The following SEMA4G variants were observed in gnomAD, a reference collection of about 807,000 sequenced individuals.
The protein encoded by SEMA4G is semaphorin 4G.
A neutral mutation model predicts 81.2 loss-of-function variants in SEMA4G; 59 were observed. The ratio of observed to expected loss-of-function variants is 0.73; its 90% confidence interval spans 0.59 to 0.90. SEMA4G has a LOEUF of 0.90. SEMA4G is among the 40% of genes least tolerant of loss of function. The pLI, the probability that SEMA4G is intolerant of heterozygous loss-of-function variation, is 0.00. For synonymous variants in SEMA4G, 404 were observed against 433.9 expected, an observed-to-expected ratio of 0.93 and a Z score of 0.86; for missense variants, 952 against 1,102.3, an observed-to-expected ratio of 0.86 and a Z score of 1.93.
intron 3 of SEMA4G, 26 bp from the exon 5 acceptor site, chr10:100,977,606 A>G (rs1480887229): frequency 6.3e-7 from 1 of 1,596,922 alleles, no homozygotes; most frequent in Non-Finnish European, 8.6e-7. Context: ...CAGGGGGCTC[A>G]CAGCCCTCTC....
At chr10:100,971,360 G>C (rs1233088124), upstream of SEMA4G, among the ~76,000 whole-genome samples, 1 of 152,210 alleles carries the variant, frequency 6.6e-6, no homozygotes, top group Non-Finnish European at 1.5e-5. Flanking sequence ...CTTGCCTGAA[G>C]CTTCCTGCTG....
chr10:100,984,471 C>T (rs1165781151), exon 14 of SEMA4G: 2 of 1,529,220 alleles, frequency 1.3e-6, no homozygotes, highest in Non-Finnish European at 8.8e-7. Context: ...TCTGCCCAAA[C>T]CCTTTCTCTT....
intron 3 of SEMA4G, among the ~76,000 whole-genome samples, chr10:100,975,514 G>A (rs1351183742): frequency 2.0e-5 from 3 of 152,164 alleles, no homozygotes; most frequent in Non-Finnish European, 4.4e-5. Context: ...TTTCACCTGT[G>A]GTTTCCAAAG....
intron 8 of SEMA4G, among the ~76,000 whole-genome samples, chr10:100,979,644 G>C (rs1214351413): frequency 6.6e-6 from 1 of 152,154 alleles, no homozygotes; most frequent in Non-Finnish European, 1.5e-5. Context: ...GCCTCTCAAA[G>C]TGCTGGCAAA....
chr10:100,977,874 G>A (rs1471001412), intron 4 of SEMA4G, 144 bp downstream of exon 5: 31 of 684,548 alleles, frequency 4.5e-5, no homozygotes, highest in South Asian at 2.1e-4. Flanking sequence ...CTCCAGTGGC[G>A]GCGGGCTGCA....
chr10:100,973,056 A>C lies in SEMA4G; in HGVS notation c.124+20A>C, dbSNP rs41291460. The C allele has an allele frequency of 0.23, 372,162 of 1,613,810 alleles. 48,217 individuals are homozygous for C. Among genetic ancestry groups the C allele is most frequent in the East Asian group, 0.55 (24,701 of 44,848 alleles). ...ATGAAGGTTAGACCCTCAACCTCAAAAGGCAGCAGAAGCCAGGGCTGGGGG... is the reference window on the plus strand; with the variant it reads ...ATGAAGGTTAGACCCTCAACCTCAACAGGCAGCAGAAGCCAGGGCTGGGGG... On this transcript the variant is annotated intron_variant, in intron 1 of 13. Transcript: ENST00000370250. The surrounding 1 kb of genome is among the most constrained non-coding windows in gnomAD (Gnocchi z 5.5).
chr10:100,972,334 A>C (rs1335945236), upstream of SEMA4G, among the ~76,000 whole-genome samples: 1 of 151,928 alleles, frequency 6.6e-6, no homozygotes, highest in Non-Finnish European at 1.5e-5. Context: ...GGGTCTTGTA[A>C]GGAAGGTAAG....
At chr10:100,984,293 A>G in exon 14 of SEMA4G, 7 of 1,439,208 alleles carry the variant, frequency 4.9e-6, no homozygotes, top group East Asian at 2.5e-5. Context: ...GCCCAGCCAA[A>G]GCCCCCTCCT....
chr10:100,970,296 C>T (rs1194793094), upstream of SEMA4G, among the ~76,000 whole-genome samples: 1 of 151,964 alleles, frequency 6.6e-6, no homozygotes, highest in Non-Finnish European at 1.5e-5. Context: ...TATGCTCCGC[C>T]CCGCCCACTT....
upstream of SEMA4G, among the ~76,000 whole-genome samples, chr10:100,971,836 T>G (rs534500357): frequency 5.3e-4 from 80 of 152,286 alleles, no homozygotes; most frequent in African/African-American, 1.9e-3. Flanking sequence ...ACGTTGCTTA[T>G]GTCTCAACTG....
Position 100,973,030 on chromosome 10 carries a change from TATG to T in SEMA4G, c.120_122del (p.Tyr40_Glu41delinsTer), listed in dbSNP as rs1406530664. ...TGCCACCCCTCGGATGACCATACCC[TATG>T]AAGGTTAGACCCTCAACCTCAAAAG... On this transcript the variant is annotated stop_gained and inframe_deletion, in exon 1 of 14. Transcript: ENST00000370250. LOFTEE classifies it high-confidence loss of function. The surrounding 1 kb of genome is among the most constrained non-coding windows in gnomAD (Gnocchi z 5.5). The T allele has an allele frequency of 6.2e-7, 1 of 1,614,082 alleles. No homozygotes were observed.
intron 13 of SEMA4G, among the ~76,000 whole-genome samples, chr10:100,982,062 CA>C (rs34646595): frequency 3.1e-4 from 39 of 126,784 alleles, no homozygotes; most frequent in Non-Finnish European, 2.1e-4. Context: ...CATCTCATCT[CA>C]AAAAAAAAAA....
exon 7 of SEMA4G, chr10:100,979,008 G>A (rs1224011022): frequency 8.7e-6 from 14 of 1,613,900 alleles, no homozygotes; most frequent in African/African-American, 2.7e-5. Context: ...CGTGTGGCTC[G>A]TGTCTGCAAG....
At chr10:100,979,710 C>A in intron 8 of SEMA4G, 138 bp from the exon 10 acceptor site, 1 of 970,366 alleles carries the variant, frequency 1.0e-6, no homozygotes. Flanking sequence ...ATGCAGTGGT[C>A]CACTGACTCA....
downstream of SEMA4G, chr10:100,984,898 C>CA: frequency 6.8e-7 from 1 of 1,462,654 alleles, no homozygotes. Context: ...GTATGAGAGA[C>CA]AGAGCTCCAG....
chr10:100,979,267 C>A, exon 8 of SEMA4G: 1 of 1,614,150 alleles, frequency 6.2e-7, no homozygotes, highest in Non-Finnish European at 8.5e-7. Flanking sequence ...GCTGAGCACA[C>A]AGTGGTCAGT....
chr10:100,973,780 T>A lies in SEMA4G; in HGVS notation c.336+171T>A, dbSNP rs2133859260. ...TGGCAAGCCATGGGCACAGCATTTT[T>A]TTTTTTTTCTTTTTTTGAGGTCGGA... On this transcript the variant is annotated intron_variant, in intron 3 of 13. Coordinates refer to ENST00000370250, the Ensembl canonical transcript of SEMA4G. This position sits in a 1 kb window ranked among gnomAD's most constrained non-coding sequence, Gnocchi z 5.5. 6.6e-6 allele frequency among the ~76,000 whole-genome samples: 1 copy of A among 152,058 alleles called. No individual in the cohort carries two copies. Among genetic ancestry groups the A allele is most frequent in the Admixed American group, 6.5e-5 (1 of 15,288 alleles).
chr10:100,973,249 A>G lies in SEMA4G; in HGVS notation c.245A>G (p.Asn82Ser). 1 of 1,613,298 alleles carries G rather than the reference A, an allele frequency of 6.2e-7. No homozygotes were observed. The highest frequency in any genetic ancestry group is 1.1e-5 in the South Asian group (1 of 91,082). Residue 82 changes from asparagine (N) to serine (S), a missense_variant, in exon 2 of 14, where the codon AAC becomes AGC. By Grantham distance (46) the Asn-to-Ser change is conservative (BLOSUM62 1). This residue lies in a region of SEMA4G where 436 missense variants were observed against 488.2 expected (regional missense o/e 0.89). Transcript: ENST00000370250. This position sits in a 1 kb window ranked among gnomAD's most constrained non-coding sequence, Gnocchi z 5.5. The stretch of plus-strand genomic sequence containing the variant: ...GGTGCCCTGTTCTCTCTCAGTGCCA[A>G]CGACATAGGAGATGGGGCTCACAAA...
exon 1 of SEMA4G, chr10:100,972,692 G>C: frequency 1.9e-6 from 1 of 519,152 alleles, no homozygotes; most frequent in Non-Finnish European, 3.4e-6. Flanking sequence ...CTCTTAGCTG[G>C]GGATTCCATG....
Sources: gnomAD v4.1 joint callset for allele counts (sites outside exome capture counted in the v4.1 genomes callset) on GRCh38, gnomAD v4.1.1 for gene constraint, gnomAD v4.1.1 regional missense constraint, Gnocchi (gnomAD v3.1) non-coding constraint, MANE v1.5 for transcripts, NCBI Gene and HGNC (gene_info 2026-07-23, HGNC 2026-07-21) for gene names.